CACNA2D2: variants seen among roughly 807,000 people sequenced by gnomAD.
CACNA2D2 encodes the protein voltage-dependent calcium channel subunit alpha-2/delta-2.
A neutral mutation model predicts 166.4 loss-of-function variants in CACNA2D2; 48 were observed. That is an observed-to-expected ratio of 0.29 (90% CI 0.23 to 0.37). The LOEUF is 0.37. Among genes scored for constraint, CACNA2D2 ranks in the 10% least tolerant of loss-of-function variants. CACNA2D2 has a pLI of 1.00. For missense variants in CACNA2D2, 1,122 were observed against 1,433.0 expected (o/e 0.78, Z 3.50); for synonymous variants, 561 against 573.7 (o/e 0.98, Z 0.32).
At chr3:50,372,377 G>A (rs1046214636) in intron 22 of CACNA2D2, among the ~76,000 whole-genome samples, 1 of 152,216 alleles carries the variant, frequency 6.6e-6, no homozygotes, top group Admixed American at 6.5e-5. Flanking sequence ...CCACCCCGGG[G>A]CTCAGCAAAG....
At chr3:50,484,698 TG>T (rs1372494971) in intron 1 of CACNA2D2, among the ~76,000 whole-genome samples, 1 of 152,244 alleles carries the variant, frequency 6.6e-6, no homozygotes, top group East Asian at 1.9e-4. Flanking sequence ...CGTCCCCTCC[TG>T]GGGTGATTCT....
chr3:50,483,965 C>T (rs528170000), intron 1 of CACNA2D2, among the ~76,000 whole-genome samples: 12 of 152,296 alleles, frequency 7.9e-5, no homozygotes, highest in South Asian at 2.1e-4. Flanking sequence ...CACAAACACC[C>T]GTCAGGCCGC....
At chr3:50,470,916 C>T (rs537661894) in intron 2 of CACNA2D2, among the ~76,000 whole-genome samples, 7 of 152,206 alleles carry the variant, frequency 4.6e-5, no homozygotes, top group South Asian at 2.1e-4. Context: ...TTTAGCCCCA[C>T]GCATCCCTGC....
chr3:50,407,551 G>A (rs144401642), intron 3 of CACNA2D2, among the ~76,000 whole-genome samples: 3 of 152,302 alleles, frequency 2.0e-5, no homozygotes, highest in African/African-American at 7.2e-5. Flanking sequence ...CTGGGACTGG[G>A]CAGACAGTGA....
intron 3 of CACNA2D2, among the ~76,000 whole-genome samples, chr3:50,431,328 C>T (rs1346947644): frequency 6.6e-6 from 1 of 152,078 alleles, no homozygotes. Flanking sequence ...GTGATCCTCC[C>T]CCTCCTCTGG....
At chr3:50,491,734 C>T (rs1216353710) in intron 1 of CACNA2D2, among the ~76,000 whole-genome samples, 1 of 152,220 alleles carries the variant, frequency 6.6e-6, no homozygotes, top group African/African-American at 2.4e-5. Context: ...GGACTCACAG[C>T]CGTGGCCTGT....
At chr3:50,502,658 G>A (rs1464806793) in intron 1 of CACNA2D2, among the ~76,000 whole-genome samples, 2 of 152,218 alleles carry the variant, frequency 1.3e-5, no homozygotes, top group African/African-American at 4.8e-5. Context: ...GGGGGGCCAA[G>A]AACAGGGGAC....
rs1177195785 is a variant in CACNA2D2 at position 50,427,742 on chromosome 3, C to A, written c.405+6571G>T. Among the ~76,000 whole-genome samples, 1 of 152,228 alleles carries A rather than the reference C, an allele frequency of 6.6e-6. No homozygotes were observed. The highest frequency in any genetic ancestry group is 2.4e-5 in the African/African-American group (1 of 41,440). On this transcript the variant is annotated intron_variant, in intron 3 of 37. Coordinates refer to ENST00000424201, the MANE Select transcript of CACNA2D2 (RefSeq NM_006030.4). This position sits in a 1 kb window ranked among gnomAD's most constrained non-coding sequence, Gnocchi z 4.7. ...CCAGAGGCTGAGCCCCAGCCACAAC[C>A]CAGAGCCACAGCGCTGGCAACTGTT...
intron 22 of CACNA2D2, among the ~76,000 whole-genome samples, chr3:50,372,357 T>C (rs1165136413): frequency 1.3e-5 from 2 of 152,178 alleles, no homozygotes; most frequent in African/African-American, 2.4e-5. Context: ...ACCTTTTCCA[T>C]ACTGCCAAGC....
chr3:50,399,441 G>C (rs1706331560), intron 3 of CACNA2D2, among the ~76,000 whole-genome samples: 1 of 152,196 alleles, frequency 6.6e-6, no homozygotes, highest in Admixed American at 6.5e-5. Context: ...GGCACTGAGG[G>C]CTGAGCCAGG....
At position 50,503,309 on chromosome 3, in the gene CACNA2D2, CG is replaced by C; in HGVS notation, c.114del (p.Pro41ArgfsTer44). The stretch of plus-strand genomic sequence containing the variant: ...AGCAGCCACAGCGGGCGCGGGGGCC[CG>C]GACGTCGGGCGCCGGGTGCCGGGGC... ...HPGPGTRRPT[S>X]GPPRPLWLLL... On this transcript the variant is annotated frameshift_variant, in exon 1 of 38. Transcript: ENST00000424201. LOFTEE classifies it high-confidence loss of function. 2.4e-6 allele frequency: 2 copies of C among 843,010 alleles called. No individual in the cohort carries two copies. Among genetic ancestry groups the C allele is most frequent in the Non-Finnish European group, 1.5e-6 (1 of 648,190 alleles). The allele number at this position is 843,010 out of a possible 1,614,324, so 52.2% of individuals were successfully genotyped here.
At chr3:50,399,640 C>T (rs1350720460) in intron 3 of CACNA2D2, among the ~76,000 whole-genome samples, 1 of 152,184 alleles carries the variant, frequency 6.6e-6, no homozygotes, top group African/African-American at 2.4e-5. Flanking sequence ...TCTCCTGCTC[C>T]CCTCCTTTCA....
chr3:50,495,635 A>T (rs553600972), intron 1 of CACNA2D2, among the ~76,000 whole-genome samples: 138 of 152,334 alleles, frequency 9.1e-4, no homozygotes, highest in Non-Finnish European at 1.6e-3. Flanking sequence ...TTACAGCCCA[A>T]ATCGTGCCCA....
rs778590029 is a variant in CACNA2D2 at position 50,379,164 on chromosome 3, G to T, written c.1188C>A (p.Ile396=). The T allele has an allele frequency of 5.6e-6, 9 of 1,613,982 alleles. No individual in the cohort carries two copies. In the South Asian group the frequency reaches 8.8e-5, roughly 16 times the overall value. Residue 396 remains isoleucine, a synonymous_variant, in exon 12 of 38, where the codon ATC becomes ATA. Coordinates refer to ENST00000424201, the MANE Select transcript of CACNA2D2 (RefSeq NM_006030.4). The surrounding 1 kb of genome is among the most constrained non-coding windows in gnomAD (Gnocchi z 6.5). The part of the protein sequence containing the change: ...NITRANCNKM[I]MMFTDGGEDR... ...CCTCACCACCATCCGTGAACATCAT[G>T]ATCATCTTGTTGCAGTTGGCCCGAG...
intron 2 of CACNA2D2, 74 bp from the exon 3 acceptor site, chr3:50,434,503 C>A: frequency 9.7e-7 from 1 of 1,030,902 alleles, no homozygotes; most frequent in Non-Finnish European, 1.5e-6. Context: ...GCATACCCCT[C>A]TGCACAGCTC....
At chr3:50,501,274 C>A (rs1271599203) in intron 1 of CACNA2D2, among the ~76,000 whole-genome samples, 1 of 152,214 alleles carries the variant, frequency 6.6e-6, no homozygotes, top group South Asian at 2.1e-4. Flanking sequence ...TGTGCATCCT[C>A]GTCTGCGGGA....
chr3:50,419,703 G>C lies in CACNA2D2; in HGVS notation c.405+14610C>G, dbSNP rs1359725112. On this transcript the variant is annotated intron_variant, in intron 3 of 37. Coordinates refer to ENST00000424201, the MANE Select transcript of CACNA2D2 (RefSeq NM_006030.4). ...GCAGGATGTGGCGGAAGCACACACA[G>C]AGCCCTCAGGAGCTGGTGCCGTTTC... 3.3e-5 allele frequency: 5 copies of C among 152,216 alleles called. No individual in the cohort carries two copies. In the East Asian group the frequency reaches 9.6e-4, roughly 29 times the overall value. The allele number at this position is 152,216 out of a possible 1,614,324, so 9.4% of individuals were successfully genotyped here.
chr3:50,400,630 G>A lies in CACNA2D2; in HGVS notation c.406-6462C>T, dbSNP rs550058317. Among the ~76,000 whole-genome samples, 8 of 152,352 alleles carry A rather than the reference G, an allele frequency of 5.3e-5. No individual in the cohort carries two copies. In the South Asian group the frequency reaches 6.2e-4, roughly 12 times the overall value. ...GGGCAGTGAGGGCCGAGCAGGGTCC[G>A]TGACTTACGTGCTGAGGGTGATGGA... On this transcript the variant is annotated intron_variant, in intron 3 of 37. Transcript: ENST00000424201.
intron 23 of CACNA2D2, among the ~76,000 whole-genome samples, chr3:50,368,650 C>T (rs750218017): frequency 2.0e-5 from 3 of 152,232 alleles, no homozygotes; most frequent in Non-Finnish European, 4.4e-5. Context: ...AGCCTAAGAC[C>T]TCACCCTGCC....
Sources: gnomAD v4.1 joint callset for allele counts (sites outside exome capture counted in the v4.1 genomes callset) on GRCh38, gnomAD v4.1.1 for gene constraint, Gnocchi (gnomAD v3.1) non-coding constraint, MANE v1.5 for transcripts, NCBI Gene and HGNC (gene_info 2026-07-23, HGNC 2026-07-21) for gene names.